Variants in PCDHA4 observed in about 807,000 individuals in gnomAD.
PCDHA4 encodes the protein protocadherin alpha 4.
Under a neutral mutation model 61.4 loss-of-function variants are expected in PCDHA4, and 49 were observed. The observed-to-expected ratio is 0.80, with a 90% CI of 0.63 to 1.01. The LOEUF is 1.01. PCDHA4 is among the 50% of genes least tolerant of loss of function. The pLI is 0.00. For missense variants in PCDHA4, 1,254 were observed against 1,235.8 expected, an observed-to-expected ratio of 1.01 and a Z score of -0.22; for synonymous variants, 590 against 550.3, an observed-to-expected ratio of 1.07 and a Z score of -1.01.
intron 1 of PCDHA4, chr5:140,822,267 T>G (rs1554128545): frequency 1.9e-6 from 3 of 1,614,132 alleles, no homozygotes; most frequent in African/African-American, 1.3e-5. Flanking sequence ...TTGGAGCAAA[T>G]GCACAATTGA....
At chr5:140,967,254 C>G in intron 1 of PCDHA4, 3 of 1,613,562 alleles carry the variant, frequency 1.9e-6, no homozygotes, top group Non-Finnish European at 2.5e-6. Context: ...TCGGTGGCGC[C>G]TGGAGCGCGC....
intron 1 of PCDHA4, among the ~76,000 whole-genome samples, chr5:140,942,896 C>CT (rs1554215262): frequency 6.6e-6 from 1 of 151,664 alleles, no homozygotes; most frequent in African/African-American, 2.4e-5. Flanking sequence ...AAATTTATCT[C>CT]TAAGAATAAG....
intron 1 of PCDHA4, chr5:140,822,250 T>A: frequency 6.2e-7 from 1 of 1,614,222 alleles, no homozygotes; most frequent in Non-Finnish European, 8.5e-7. Flanking sequence ...CGCGTCGGAT[T>A]TGGATATTGG....
At chr5:140,882,854 C>G in intron 1 of PCDHA4, 2 of 1,614,196 alleles carry the variant, frequency 1.2e-6, no homozygotes, top group Non-Finnish European at 1.7e-6. Flanking sequence ...ATCACTTGTA[C>G]TGAGGAAAAC....
chr5:140,870,976 C>T (rs2052595345), intron 1 of PCDHA4: 1 of 1,613,480 alleles, frequency 6.2e-7, no homozygotes, highest in Non-Finnish European at 8.5e-7. Context: ...CCGCGTGGGG[C>T]TGTACACGGG....
intron 1 of PCDHA4, among the ~76,000 whole-genome samples, chr5:140,873,282 T>C (rs961755772): frequency 2.6e-4 from 39 of 152,330 alleles, no homozygotes; most frequent in African/African-American, 8.7e-4. Context: ...TCATACCACT[T>C]ATGAAACTTT....
intron 1 of PCDHA4, chr5:140,882,570 A>G (rs1562776435): frequency 6.2e-7 from 1 of 1,614,240 alleles, no homozygotes. Flanking sequence ...CGGAGCGCGG[A>G]GTGCAGCATC....
chr5:140,857,296 G>C (rs2044488261), intron 1 of PCDHA4: 3 of 1,598,562 alleles, frequency 1.9e-6, no homozygotes, highest in Admixed American at 3.4e-5. Flanking sequence ...ACCGCGAGAG[G>C]GTGTCGGCCT....
chr5:140,819,401 A>G (rs2150104074), intron 1 of PCDHA4, among the ~76,000 whole-genome samples: 3 of 152,296 alleles, frequency 2.0e-5, no homozygotes, highest in South Asian at 4.1e-4. Context: ...AGTGAATTAA[A>G]TGGAGACACT....
Position 140,856,266 on chromosome 5 carries a change from T to C in PCDHA4, c.2385+46694T>C, listed in dbSNP as rs1581394564. On this transcript the variant is annotated intron_variant, in intron 1 of 3. Coordinates refer to ENST00000530339, the MANE Select transcript of PCDHA4 (RefSeq NM_018907.4). ...GTGGCGTCCAAAAGACACGGGGACC[T>C]TCTGGAGGTAAATCTGCAGAATGGC... 7 of 1,598,200 alleles carry C rather than the reference T, an allele frequency of 4.4e-6. No homozygotes were observed. The East Asian group carries it at 1.6e-4, about 36-fold the overall frequency.
chr5:140,883,546 C>T (rs782071318), intron 1 of PCDHA4: 3 of 1,614,200 alleles, frequency 1.9e-6, no homozygotes, highest in Non-Finnish European at 1.7e-6. Flanking sequence ...TGGTGGTGAC[C>T]GCGCGGGACG....
intron 1 of PCDHA4, chr5:140,842,642 T>C: frequency 6.3e-7 from 1 of 1,595,112 alleles, no homozygotes; most frequent in Non-Finnish European, 8.6e-7. Context: ...CACCGCCAGC[T>C]TGTCTGTGGA....
At position 140,823,979 on chromosome 5, in the gene PCDHA4, A is replaced by G. The variant is rs1554129682; in HGVS notation, c.2385+14407A>G. 10 of 1,613,672 alleles carry G rather than the reference A, an allele frequency of 6.2e-6. No homozygotes were observed. In the East Asian group the frequency reaches 2.0e-4, roughly 32 times the overall value. On this transcript the variant is annotated intron_variant, in intron 1 of 3. Coordinates refer to ENST00000530339, the MANE Select transcript of PCDHA4 (RefSeq NM_018907.4). ...ACCGAGGCCGTGTGCACACGGGGCAAGCCCACTCTGTTGTGCTCCAGCGCG... is the reference window on the plus strand; with the variant it reads ...ACCGAGGCCGTGTGCACACGGGGCAGGCCCACTCTGTTGTGCTCCAGCGCG...
At chr5:140,885,453 C>T (rs1269332427) in intron 1 of PCDHA4, among the ~76,000 whole-genome samples, 3 of 152,100 alleles carry the variant, frequency 2.0e-5, no homozygotes, top group African/African-American at 7.2e-5. Flanking sequence ...ATATTATTTA[C>T]CTAATGATGG....
rs1554131658 is a variant in PCDHA4 at position 140,828,947 on chromosome 5, G to T, written c.2385+19375G>T. 6.2e-7 allele frequency: 1 copy of T among 1,614,120 alleles called. No individual in the cohort carries two copies. The highest frequency in any genetic ancestry group is 1.3e-5 in the African/African-American group (1 of 74,944). On this transcript the variant is annotated intron_variant, in intron 1 of 3. Transcript: ENST00000530339. Reference sequence around the variant, plus strand: ...TTCATATTCTTTTAATAGCCTTGTTGCAGCCATGGTTATTGACCACTTTAG... The same window carrying T: ...TTCATATTCTTTTAATAGCCTTGTTTCAGCCATGGTTATTGACCACTTTAG...
intron 1 of PCDHA4, chr5:140,842,373 C>T (rs1554138976): frequency 1.9e-6 from 3 of 1,608,288 alleles, no homozygotes; most frequent in Admixed American, 1.7e-5. Flanking sequence ...CCTGAGATAG[C>T]ACTGACTTCC....
At chr5:140,888,161 C>G (rs1272451290) in intron 1 of PCDHA4, among the ~76,000 whole-genome samples, 1 of 152,160 alleles carries the variant, frequency 6.6e-6, no homozygotes, top group Non-Finnish European at 1.5e-5. Context: ...CTGGTAATCT[C>G]TAATAAGATG....
At chr5:140,828,738 A>C in intron 1 of PCDHA4, 1 of 1,614,242 alleles carries the variant, frequency 6.2e-7, no homozygotes, top group Non-Finnish European at 8.5e-7. Flanking sequence ...ACAGCCACAG[A>C]TGGGGGCAAA....
At chr5:140,858,637 A>G in intron 1 of PCDHA4, 1 of 969,728 alleles carries the variant, frequency 1.0e-6, no homozygotes, top group Non-Finnish European at 1.5e-6. Context: ...TCAGCCTTTG[A>G]TTGGTACTTA....
Sources: gnomAD v4.1 joint callset for allele counts (sites outside exome capture counted in the v4.1 genomes callset) on GRCh38, gnomAD v4.1.1 for gene constraint, MANE v1.5 for transcripts, NCBI Gene and HGNC (gene_info 2026-07-23, HGNC 2026-07-21) for gene names.